The following SH3PXD2B variants were observed in gnomAD, a reference collection of about 807,000 sequenced individuals.
SH3PXD2B encodes the protein SH3 and PX domain-containing protein 2B.
A neutral mutation model predicts 73.1 loss-of-function variants in SH3PXD2B; 37 were observed. The observed-to-expected ratio is 0.51, with a 90% CI of 0.39 to 0.67. The LOEUF is 0.67. Among genes scored for constraint, SH3PXD2B ranks in the 30% least tolerant of loss-of-function variants. SH3PXD2B has a pLI of 0.00. For synonymous variants in SH3PXD2B, 457 were observed against 480.5 expected, an observed-to-expected ratio of 0.95 and a Z score of 0.64; for missense variants, 1,053 against 1,197.8, an observed-to-expected ratio of 0.88 and a Z score of 1.78.
At chr5:172,435,883 G>A (rs1488789703) in intron 1 of SH3PXD2B, among the ~76,000 whole-genome samples, 2 of 152,200 alleles carry the variant, frequency 1.3e-5, no homozygotes, top group Non-Finnish European at 2.9e-5. Context: ...CCTTGCAGGG[G>A]CTGTGAGAAA....
chr5:172,359,513 T>C (rs748152918), intron 7 of SH3PXD2B, among the ~76,000 whole-genome samples: 10 of 151,768 alleles, frequency 6.6e-5, no homozygotes, highest in Non-Finnish European at 1.5e-4. Flanking sequence ...ATGAGGAAAC[T>C]GAGGCTCAAA....
chr5:172,337,672 C>T lies in SH3PXD2B; in HGVS notation c.*697G>A, dbSNP rs1208258210. ...CTGCAGCAGCAAAGCGCAGCATACGCGGGGCTGGAACCACCCTTCAGGGCT... is the reference window on the plus strand; with the variant it reads ...CTGCAGCAGCAAAGCGCAGCATACGTGGGGCTGGAACCACCCTTCAGGGCT... On this transcript the variant is annotated 3_prime_UTR_variant, in exon 13 of 13. Transcript: ENST00000311601. 2.5e-5 allele frequency: 25 copies of T among 987,312 alleles called. No individual in the cohort carries two copies. The African/African-American group carries it at 2.8e-4, about 11-fold the overall frequency. The allele number at this position is 987,312 out of a possible 1,614,324, so 61.2% of individuals were successfully genotyped here. A position where few individuals can be genotyped will look rare whatever the true frequency, so the allele number is the denominator to read the frequency against.
chr5:172,449,431 C>T (rs575775102), intron 1 of SH3PXD2B, among the ~76,000 whole-genome samples: 1 of 152,222 alleles, frequency 6.6e-6, no homozygotes, highest in Non-Finnish European at 1.5e-5. Flanking sequence ...ACCTCAGGCA[C>T]ATGCCTCCAC....
intron 5 of SH3PXD2B, among the ~76,000 whole-genome samples, chr5:172,380,513 G>A (rs977652195): frequency 6.6e-6 from 1 of 152,194 alleles, no homozygotes; most frequent in Non-Finnish European, 1.5e-5. Context: ...TGGAGACAAA[G>A]GTGCTTTGAG....
intron 5 of SH3PXD2B, among the ~76,000 whole-genome samples, 169 bp downstream of exon 5, chr5:172,381,867 G>A (rs956947007): frequency 6.6e-6 from 1 of 152,180 alleles, no homozygotes; most frequent in African/African-American, 2.4e-5. Context: ...TCAAACGGAC[G>A]ATCGCTACCC....
At chr5:172,329,468 A>G (rs1193332923), downstream of SH3PXD2B, among the ~76,000 whole-genome samples, 3 of 151,636 alleles carry the variant, frequency 2.0e-5, no homozygotes, top group Non-Finnish European at 4.4e-5. Context: ...TTGGAGGCCA[A>G]GTTTCACGCA....
intron 1 of SH3PXD2B, among the ~76,000 whole-genome samples, chr5:172,435,763 TGA>T (rs2113492278): frequency 6.6e-6 from 1 of 152,322 alleles, no homozygotes; most frequent in Non-Finnish European, 1.5e-5. Context: ...ATAACCTTTC[TGA>T]AGTCAGAGCC....
At chr5:172,416,623 G>A (rs1241358117) in intron 2 of SH3PXD2B, among the ~76,000 whole-genome samples, 1 of 139,544 alleles carries the variant, frequency 7.2e-6, no homozygotes, top group Non-Finnish European at 1.5e-5. Flanking sequence ...ACTGCGCCCG[G>A]CCTCTACTTT....
rs1756705387 is a variant in SH3PXD2B, at chr5:172,336,740, A to G, written c.*1629T>C. 2.0e-6 allele frequency: 2 copies of G among 985,580 alleles called. No individual in the cohort carries two copies. The highest frequency in any genetic ancestry group is 2.4e-6 in the Non-Finnish European group (2 of 830,232). The allele number at this position is 985,580 out of a possible 1,614,324, so 61.1% of individuals were successfully genotyped here. A position where few individuals can be genotyped will look rare whatever the true frequency, so the allele number is the denominator to read the frequency against. On this transcript the variant is annotated 3_prime_UTR_variant, in exon 13 of 13. Transcript: ENST00000311601. Reference sequence around the variant, plus strand: ...CAGGGCAGGGCTGCCTCGGTCGGGTAGAATGGGAAGGGGTTCTGCTCTGCT... The same window carrying G: ...CAGGGCAGGGCTGCCTCGGTCGGGTGGAATGGGAAGGGGTTCTGCTCTGCT...
intron 1 of SH3PXD2B, among the ~76,000 whole-genome samples, chr5:172,428,452 C>T (rs932442882): frequency 3.9e-5 from 6 of 152,202 alleles, no homozygotes; most frequent in African/African-American, 4.8e-5. Flanking sequence ...TGCACGGCAA[C>T]TGGAACCCTC....
At chr5:172,397,522 A>G (rs1758330640) in intron 3 of SH3PXD2B, among the ~76,000 whole-genome samples, 1 of 152,216 alleles carries the variant, frequency 6.6e-6, no homozygotes. Context: ...GGGGCATCAC[A>G]GAACCTGCCG....
rs563275939 is a variant in SH3PXD2B at position 172,408,331 on chromosome 5, A to C, written c.157-1979T>G. On this transcript the variant is annotated intron_variant, in intron 2 of 12. Coordinates refer to ENST00000311601, the MANE Select transcript of SH3PXD2B (RefSeq NM_001017995.3). The stretch of plus-strand genomic sequence containing the variant: ...CACCCAGGCTGGAGTGCGGTGGCAC[A>C]ATCATGGCTCACTGCAGCCTCAATC... 3.3e-5 allele frequency among the ~76,000 whole-genome samples: 5 copies of C among 151,798 alleles called. No individual in the cohort carries two copies. The South Asian group carries it at 1.0e-3, about 32-fold the overall frequency.
In SH3PXD2B at chr5:172,454,482, G is replaced by GCCGCCGCCGCCA. The variant is rs1438110934; in HGVS notation, c.-142_-131dup. On this transcript the variant is annotated 5_prime_UTR_variant, in exon 1 of 13. Transcript: ENST00000311601. Reference sequence around the variant, plus strand: ...CAATCGCAGCCGGGGCCGAGCACGAGCCGCCGCCGCCACCGCCGCCGCCCT... The same window carrying GCCGCCGCCGCCA: ...CAATCGCAGCCGGGGCCGAGCACGAGCCGCCGCCGCCACCGCCGCCGCCACCGCCGCCGCCCT... 5.1e-3 allele frequency: 1,517 copies of GCCGCCGCCGCCA among 294,970 alleles called. 33 individuals carry two copies. Among genetic ancestry groups the GCCGCCGCCGCCA allele is most frequent in the Admixed American group, 9.7e-3 (152 of 15,624 alleles). The allele number at this position is 294,970 out of a possible 1,614,324, so 18.3% of individuals were successfully genotyped here. A position where few individuals can be genotyped will look rare whatever the true frequency, so the allele number is the denominator to read the frequency against.
chr5:172,333,374 G>T, downstream of SH3PXD2B: 2 of 401,988 alleles, frequency 5.0e-6, no homozygotes, highest in African/African-American at 2.2e-5. Context: ...GAGAGGGGTC[G>T]CCCCTATTTC....
At chr5:172,422,675 G>C (rs926316832) in intron 1 of SH3PXD2B, among the ~76,000 whole-genome samples, 179 bp from the exon 2 acceptor site, 1 of 152,230 alleles carries the variant, frequency 6.6e-6, no homozygotes, top group African/African-American at 2.4e-5. Flanking sequence ...AATAAAATGA[G>C]TGTAATAACC....
At chr5:172,340,626 GCT>G (rs1262551460) in intron 12 of SH3PXD2B, among the ~76,000 whole-genome samples, 8 of 152,098 alleles carry the variant, frequency 5.3e-5, no homozygotes, top group Admixed American at 3.3e-4. Flanking sequence ...ACAGAGTCTT[GCT>G]CTGTCACCCA....
chr5:172,385,515 C>G (rs1467251154), intron 4 of SH3PXD2B, among the ~76,000 whole-genome samples: 1 of 152,220 alleles, frequency 6.6e-6, no homozygotes, highest in Non-Finnish European at 1.5e-5. Context: ...CTTCACCTTC[C>G]CTACGTGCCT....
At chr5:172,366,690 C>T (rs761724163) in intron 6 of SH3PXD2B, among the ~76,000 whole-genome samples, 4 of 151,698 alleles carry the variant, frequency 2.6e-5, no homozygotes, top group African/African-American at 7.3e-5. Context: ...TGAAGTGCAG[C>T]GGTGCAATCT....
In SH3PXD2B at chr5:172,394,655, G is replaced by A. The variant is rs766045982; in HGVS notation, c.233-16C>T. 63 of 1,613,356 alleles carry A rather than the reference G, an allele frequency of 3.9e-5. No homozygotes were observed. The East Asian group carries it at 1.4e-3, about 36-fold the overall frequency. On this transcript the variant is annotated splice_polypyrimidine_tract_variant and intron_variant, in intron 3 of 12. Transcript: ENST00000311601. ...AGAATCTTACCTGCAGAAGATGAGA[G>A]CAAAGACAGTGTTGTCAGGGAACAG...
Sources: gnomAD v4.1 joint callset for allele counts (sites outside exome capture counted in the v4.1 genomes callset) on GRCh38, gnomAD v4.1.1 for gene constraint, MANE v1.5 for transcripts, NCBI Gene and HGNC (gene_info 2026-07-23, HGNC 2026-07-21) for gene names.